EXOC4: variants seen among roughly 807,000 people sequenced by gnomAD.
EXOC4 encodes exocyst complex component 4.
Under a neutral mutation model 107.2 loss-of-function variants are expected in EXOC4, and 71 were observed. That is an observed-to-expected ratio of 0.66 (90% CI 0.55 to 0.81). The LOEUF is 0.81. Ranked by LOEUF, EXOC4 falls within the 30% of genes least tolerant of loss-of-function variation. The pLI is 0.00. For missense variants in EXOC4, 1,108 were observed against 1,189.6 expected (o/e 0.93, Z 1.01); for synonymous variants, 456 against 441.2 (o/e 1.03, Z -0.42).
At chr7:133,546,516 A>G (rs1429486959) in intron 9 of EXOC4, among the ~76,000 whole-genome samples, 1 of 152,170 alleles carries the variant, frequency 6.6e-6, no homozygotes, top group Non-Finnish European at 1.5e-5. Context: ...TCAGCCTCCC[A>G]GTGTGCTGGG....
At chr7:133,262,029 A>G (rs1409896891) in intron 1 of EXOC4, among the ~76,000 whole-genome samples, 1 of 152,110 alleles carries the variant, frequency 6.6e-6, no homozygotes, top group Non-Finnish European at 1.5e-5. Flanking sequence ...CCACCTTAAT[A>G]TGCAGTGTTT....
At chr7:133,494,460 A>C (rs1381578971) in intron 9 of EXOC4, among the ~76,000 whole-genome samples, 9 of 152,258 alleles carry the variant, frequency 5.9e-5, no homozygotes, top group African/African-American at 2.2e-4. Flanking sequence ...TGATAAAAGC[A>C]AGGCAATTGA....
chr7:133,344,511 T>C (rs1795740551), intron 5 of EXOC4, among the ~76,000 whole-genome samples: 1 of 152,202 alleles, frequency 6.6e-6, no homozygotes, highest in African/African-American at 2.4e-5. Flanking sequence ...ATCGGAAGGT[T>C]TGTGGTCTCT....
chr7:133,488,115 A>C (rs941452701), intron 9 of EXOC4, among the ~76,000 whole-genome samples: 1 of 152,192 alleles, frequency 6.6e-6, no homozygotes, highest in African/African-American at 2.4e-5. Flanking sequence ...TTTGAAAATG[A>C]AGTTTGGATC....
intron 5 of EXOC4, among the ~76,000 whole-genome samples, chr7:133,329,072 G>T (rs1362542721): frequency 6.6e-6 from 1 of 151,908 alleles, no homozygotes; most frequent in Non-Finnish European, 1.5e-5. Flanking sequence ...ATGTAGATTT[G>T]GTCTTTTCAC....
intron 9 of EXOC4, among the ~76,000 whole-genome samples, chr7:133,558,181 G>A (rs908346985): frequency 1.9e-5 from 2 of 105,536 alleles, no homozygotes; most frequent in African/African-American, 7.7e-5. Context: ...CTGGTATTTT[G>A]GTTCCTTCTC....
intron 14 of EXOC4, among the ~76,000 whole-genome samples, chr7:133,956,020 A>G (rs890929277): frequency 6.6e-6 from 1 of 152,130 alleles, no homozygotes; most frequent in African/African-American, 2.4e-5. Flanking sequence ...CAGCAGCTGC[A>G]CCTGGGAGGG....
At chr7:134,035,071 A>T (rs112058657) in intron 17 of EXOC4, among the ~76,000 whole-genome samples, 175 of 137,126 alleles carry the variant, frequency 1.3e-3, no homozygotes, top group African/African-American at 4.7e-3. Context: ...TTTGAGACAG[A>T]GTCTCACTCT....
chr7:133,535,222 C>T (rs1441949922), intron 9 of EXOC4, among the ~76,000 whole-genome samples: 1 of 152,010 alleles, frequency 6.6e-6, no homozygotes, highest in Non-Finnish European at 1.5e-5. Flanking sequence ...GTGTCATTAT[C>T]CCGATTTTAC....
intron 4 of EXOC4, among the ~76,000 whole-genome samples, chr7:133,307,937 G>A (rs1274516852): frequency 1.2e-4 from 19 of 152,188 alleles, no homozygotes; most frequent in Admixed American, 7.2e-4. Flanking sequence ...TACAGTAAGC[G>A]CATAGCTTCC....
In EXOC4 at chr7:133,660,177, A is replaced by ATT. The variant is rs34121830; in HGVS notation, c.1514+30048_1514+30049dup. ...CTAGAACTTCTATGTGTTTTCATTA[A>ATT]TTTTTTTTTTTTTGCAGCCTTGAAT... On this transcript the variant is annotated intron_variant, in intron 10 of 17. Transcript: ENST00000253861. 5.7e-3 allele frequency among the ~76,000 whole-genome samples: 845 copies of ATT among 148,350 alleles called. 4 individuals carry two copies. The highest frequency in any genetic ancestry group is 0.015 in the African/African-American group (592 of 40,706).
rs186906581 is a variant in EXOC4, at chr7:133,499,277, A to G, written c.1417+19139A>G. 2.2e-3 allele frequency among the ~76,000 whole-genome samples: 340 copies of G among 152,310 alleles called. 7 individuals carry two copies. Among genetic ancestry groups the G allele is most frequent in the Admixed American group, 0.021 (324 of 15,290 alleles). On this transcript the variant is annotated intron_variant, in intron 9 of 17. Transcript: ENST00000253861. Reference sequence around the variant, plus strand: ...GTTCCTTGCAGTCAGGGACCAAGTCAGTATATACCAATCACTGGTATAGTA... The same window carrying G: ...GTTCCTTGCAGTCAGGGACCAAGTCGGTATATACCAATCACTGGTATAGTA...
intron 3 of EXOC4, 97 bp from the exon 4 acceptor site, chr7:133,305,780 C>CT: frequency 1.1e-6 from 1 of 945,862 alleles, no homozygotes; most frequent in Non-Finnish European, 1.4e-6. Context: ...CTCGTAAGCT[C>CT]CCTTTGTTAG....
At chr7:133,647,381 G>C (rs1469117620) in intron 10 of EXOC4, among the ~76,000 whole-genome samples, 1 of 152,136 alleles carries the variant, frequency 6.6e-6, no homozygotes, top group Non-Finnish European at 1.5e-5. Flanking sequence ...CCCTAGTGAT[G>C]AGCTCAGCTA....
At chr7:133,948,605 C>G (rs1179587717) in intron 14 of EXOC4, among the ~76,000 whole-genome samples, 1 of 152,164 alleles carries the variant, frequency 6.6e-6, no homozygotes, top group African/African-American at 2.4e-5. Flanking sequence ...ATGTGTGTAA[C>G]AGCCCCAAAG....
intron 13 of EXOC4, among the ~76,000 whole-genome samples, chr7:133,925,880 G>GA (rs1159554507): frequency 7.3e-5 from 11 of 150,276 alleles, no homozygotes; most frequent in African/African-American, 2.2e-4. Context: ...TACTAAAATA[G>GA]AAAAAAAAAT....
chr7:134,089,950 A>T, the EXOC4 span, among the ~76,000 whole-genome samples: 3 of 152,198 alleles, frequency 2.0e-5, no homozygotes, highest in South Asian at 6.2e-4. Flanking sequence ...GCATTTAGTA[A>T]ACTTAATATC....
At chr7:133,369,800 C>CTTTTTTTTT (rs35258276) in intron 6 of EXOC4, among the ~76,000 whole-genome samples, 3 of 86,640 alleles carry the variant, frequency 3.5e-5, no homozygotes, top group African/African-American at 4.7e-5. Flanking sequence ...ACTAGATTTC[C>CTTTTTTTTT]TTTTTTTTTT....
chr7:133,964,762 C>T (rs1174572136), intron 14 of EXOC4, among the ~76,000 whole-genome samples: 1 of 152,100 alleles, frequency 6.6e-6, no homozygotes, highest in African/African-American at 2.4e-5. Context: ...CAAGCCTTTG[C>T]TATTGTGAAC....
Sources: gnomAD v4.1 joint callset for allele counts (sites outside exome capture counted in the v4.1 genomes callset) on GRCh38, gnomAD v4.1.1 for gene constraint, MANE v1.5 for transcripts, NCBI Gene and HGNC (gene_info 2026-07-23, HGNC 2026-07-21) for gene names.